Variants in AGBL3 observed in about 807,000 individuals in gnomAD.
AGBL3 encodes the protein cytosolic carboxypeptidase 3.
In AGBL3, 68 loss-of-function variants were observed where a neutral mutation model predicts 94.5. The ratio of observed to expected loss-of-function variants is 0.72; its 90% CI spans 0.59 to 0.88. The LOEUF (loss-of-function observed/expected upper bound fraction) is 0.88, where lower values mean the gene tolerates loss of function less well. Ranked by LOEUF, AGBL3 falls within the 40% of genes least tolerant of loss-of-function variation. The probability of loss-of-function intolerance (pLI) is 0.00; values close to 1 mark genes in which losing one functional copy is unlikely to be tolerated. For synonymous variants in AGBL3, 354 were observed against 370.7 expected (o/e 0.95, Z 0.52); for missense variants, 934 against 1,103.8 (o/e 0.85, Z 2.18).
chr7:135,077,757 T>C (rs10235483), intron 13 of AGBL3, among the ~76,000 whole-genome samples: 3,176 of 152,192 alleles, frequency 0.021, 124 homozygotes, highest in African/African-American at 0.071. Flanking sequence ...AACGTTCACA[T>C]ACCAGTTAAA....
chr7:135,018,757 A>G lies in AGBL3; in HGVS notation c.418+1598A>G, dbSNP rs536873932. ...AATTTAAATGTCAATGAAAATTAAA[A>G]TGTTCATATAAAGTTAAAACCCTAG... On this transcript the variant is annotated intron_variant, in intron 5 of 16. Coordinates refer to ENST00000436302, the MANE Select transcript of AGBL3 (RefSeq NM_178563.4). Among the ~76,000 whole-genome samples the G allele has an allele frequency of 2.0e-5, 3 of 152,344 alleles. No individual in the cohort carries two copies. The South Asian group carries it at 6.2e-4, about 32-fold the overall frequency.
chr7:135,113,537 G>T (rs12707214), intron 15 of AGBL3, among the ~76,000 whole-genome samples: 12 of 151,954 alleles, frequency 7.9e-5, no homozygotes, highest in Non-Finnish European at 1.5e-4. Context: ...CTCTTATGCT[G>T]TCTACGGACC....
At chr7:135,061,137 A>G (rs1818804812) in intron 12 of AGBL3, among the ~76,000 whole-genome samples, 1 of 151,516 alleles carries the variant, frequency 6.6e-6, no homozygotes, top group African/African-American at 2.4e-5. Flanking sequence ...CATTTCTCTG[A>G]TGATTAGTGA....
Position 135,081,765 on chromosome 7 carries a change from A to G in AGBL3, c.2085A>G (p.Arg695=). 2.6e-6 allele frequency: 4 copies of G among 1,538,906 alleles called. No homozygotes were observed. The highest frequency in any genetic ancestry group is 3.5e-6 in the Non-Finnish European group (4 of 1,138,456). Reference sequence around the variant, plus strand: ...ATGATTATATGGTTGATTATTTCAGAAGACAATTACCTAATCAAGGTTTGG... The same window carrying G: ...ATGATTATATGGTTGATTATTTCAGGAGACAATTACCTAATCAAGGTTTGG... ...EPDDYMVDYF[R]RQLPNQGLDL... Residue 695 remains arginine (R), a synonymous_variant, in exon 15 of 17, where the codon AGA becomes AGG. Transcript: ENST00000436302.
intron 12 of AGBL3, among the ~76,000 whole-genome samples, chr7:135,066,181 G>A (rs905374846): frequency 6.6e-6 from 1 of 152,112 alleles, no homozygotes; most frequent in African/African-American, 2.4e-5. Flanking sequence ...TTAATAGCAG[G>A]AAAAGGCCAC....
intron 5 of AGBL3, among the ~76,000 whole-genome samples, chr7:135,021,663 C>CT (rs60821704): frequency 2.4e-3 from 350 of 146,364 alleles, no homozygotes; most frequent in Middle Eastern, 3.5e-3. Context: ...TTGGGATTTG[C>CT]TTTTTTTTTT....
At chr7:135,108,467 C>T (rs935505465) in intron 15 of AGBL3, among the ~76,000 whole-genome samples, 2 of 152,146 alleles carry the variant, frequency 1.3e-5, no homozygotes, top group African/African-American at 4.8e-5. Flanking sequence ...ACTGAGGAAG[C>T]TTAGTTTGAC....
At position 135,021,663 on chromosome 7, in the gene AGBL3, CTT is replaced by C. The variant is rs60821704; in HGVS notation, c.418+4515_418+4516del. The stretch of plus-strand genomic sequence containing the variant: ...ATACACAGCATATCATTGGGATTTG[CTT>C]TTTTTTTTTTACCTTCTGGCATACA... On this transcript the variant is annotated intron_variant, in intron 5 of 16. Transcript: ENST00000436302. 6.8e-5 allele frequency among the ~76,000 whole-genome samples: 10 copies of C among 146,720 alleles called. No individual in the cohort carries two copies. The East Asian group carries it at 1.2e-3, about 17-fold the overall frequency.
rs1029286778 is a variant in AGBL3, at chr7:134,989,299, C to T, written c.113C>T (p.Ala38Val). The T allele has an allele frequency of 4.4e-5, 68 of 1,546,414 alleles. No individual in the cohort carries two copies. The highest frequency in any genetic ancestry group is 1.7e-4 in the Middle Eastern group (1 of 5,992). ...GTAAGTGAAGATCTTCATCGGTGTG[C>T]ACTTTTAACAGGTTTGAACCTATTC... ...KFVSEDLHRC[A>V]LLTADSFGDP... The change falls in exon 3 of 17, where the codon GCA (alanine) becomes GTA (valine). Residue 38 changes from alanine (A) to valine (V), a missense_variant. Ala to Val is a moderately conservative substitution (Grantham distance 64). Around this residue, in one of 3 missense-constraint regions of AGBL3, gnomAD observed 488 missense variants for 563.6 expected, o/e 0.87. Transcript: ENST00000436302.
intron 15 of AGBL3, among the ~76,000 whole-genome samples, chr7:135,098,837 A>C (rs559222565): frequency 1.8e-3 from 269 of 152,338 alleles, no homozygotes; most frequent in Non-Finnish European, 3.3e-3. Flanking sequence ...AAATATTTAC[A>C]TTGATCTTTT....
intron 11 of AGBL3, among the ~76,000 whole-genome samples, chr7:135,046,631 T>A (rs1817386081): frequency 6.6e-6 from 1 of 152,098 alleles, no homozygotes; most frequent in South Asian, 2.1e-4. Flanking sequence ...TTTTCTTCCA[T>A]GTCTTTTCGT....
At chr7:135,127,213 T>C (rs983856737) in intron 16 of AGBL3, among the ~76,000 whole-genome samples, 1 of 151,692 alleles carries the variant, frequency 6.6e-6, no homozygotes, top group South Asian at 2.1e-4. Flanking sequence ...GCAAAGGATA[T>C]GAAGACGCTT....
chr7:135,034,000 C>T (rs1816040570), intron 6 of AGBL3, 149 bp from the exon 7 acceptor site: 4 of 697,766 alleles, frequency 5.7e-6, no homozygotes, highest in African/African-American at 1.8e-5. Flanking sequence ...AAACTTTTAT[C>T]GTTTACATTG....
At chr7:135,097,349 A>G (rs1329387633) in intron 15 of AGBL3, among the ~76,000 whole-genome samples, 1 of 152,108 alleles carries the variant, frequency 6.6e-6, no homozygotes, top group African/African-American at 2.4e-5. Context: ...AAAAATCCCC[A>G]TGGCTTTTAG....
chr7:134,994,884 C>T (rs896564683), intron 4 of AGBL3, among the ~76,000 whole-genome samples: 1 of 152,126 alleles, frequency 6.6e-6, no homozygotes, highest in African/African-American at 2.4e-5. Context: ...CTCTTCAAAG[C>T]TGGGTATATA....
chr7:135,122,703 T>C (rs900290900), intron 16 of AGBL3, among the ~76,000 whole-genome samples: 1 of 152,056 alleles, frequency 6.6e-6, no homozygotes, highest in African/African-American at 2.4e-5. Context: ...TTTGCTATTC[T>C]CCAGCCTCCT....
chr7:135,093,365 T>G (rs1314719129), intron 15 of AGBL3: 3 of 152,010 alleles, frequency 2.0e-5, no homozygotes, highest in Non-Finnish European at 4.4e-5. Flanking sequence ...GGATAAAAGA[T>G]CAATAGGCAA....
At chr7:135,075,683 T>C (rs897776061) in intron 12 of AGBL3, among the ~76,000 whole-genome samples, 1 of 152,210 alleles carries the variant, frequency 6.6e-6, no homozygotes, top group African/African-American at 2.4e-5. Context: ...GATGTACAAT[T>C]TTCCCTTCCC....
At chr7:134,988,830 G>A (rs1809836656) in intron 2 of AGBL3, among the ~76,000 whole-genome samples, 2 of 152,030 alleles carry the variant, frequency 1.3e-5, no homozygotes, top group Non-Finnish European at 2.9e-5. Context: ...TAGAAACGGG[G>A]TTTCACCATG....
Sources: allele counts gnomAD v4.1 joint callset (sites outside exome capture counted in the v4.1 genomes callset), GRCh38; gene constraint gnomAD v4.1.1; regional missense constraint gnomAD v4.1.1; transcripts MANE v1.5; gene names NCBI Gene and HGNC (gene_info 2026-07-23, HGNC 2026-07-21).